The following ATP2B1 variants were observed in gnomAD, a reference collection of about 807,000 sequenced individuals.
The protein encoded by ATP2B1 is plasma membrane calcium-transporting ATPase 1.
Under a neutral mutation model 124.2 loss-of-function variants are expected in ATP2B1, and 14 were observed. The ratio of observed to expected loss-of-function variants is 0.11; its 90% CI spans 0.07 to 0.18. The LOEUF is 0.18. Among genes scored for constraint, ATP2B1 ranks in the 10% least tolerant of loss-of-function variants. The pLI, the probability that ATP2B1 is intolerant of heterozygous loss-of-function variation, is 1.00. For synonymous variants in ATP2B1, 449 were observed against 492.4 expected (o/e 0.91, Z 1.17); for missense variants, 763 against 1,466.1 (o/e 0.52, Z 7.83).
chr12:89,597,585 T>C (rs1874885543), intron 20 of ATP2B1, among the ~76,000 whole-genome samples: 1 of 152,174 alleles, frequency 6.6e-6, no homozygotes, highest in Non-Finnish European at 1.5e-5. Context: ...ATTCATCCTC[T>C]CTGCAGCTTC....
chr12:89,683,194 ATC>A (rs1889564456), intron 1 of ATP2B1, among the ~76,000 whole-genome samples: 1 of 152,234 alleles, frequency 6.6e-6, no homozygotes, highest in African/African-American at 2.4e-5. Context: ...GGGGGAAACA[ATC>A]AATTCACCAG....
intron 1 of ATP2B1, among the ~76,000 whole-genome samples, chr12:89,686,503 C>T (rs1267537960): frequency 1.3e-5 from 2 of 152,068 alleles, no homozygotes; most frequent in Non-Finnish European, 2.9e-5. Context: ...TGCCTTTTAT[C>T]CAATGTTACG....
intron 1 of ATP2B1, among the ~76,000 whole-genome samples, chr12:89,673,192 A>C (rs541323972): frequency 6.6e-6 from 1 of 152,220 alleles, no homozygotes; most frequent in Non-Finnish European, 1.5e-5. Context: ...CAGTACAGTT[A>C]AATAGGTTTT....
intron 2 of ATP2B1, among the ~76,000 whole-genome samples, chr12:89,644,217 C>T (rs553094368): frequency 1.6e-4 from 24 of 152,148 alleles, no homozygotes; most frequent in Non-Finnish European, 3.1e-4. Context: ...TTAAACCTAA[C>T]TTCAATTTGT....
At chr12:89,645,735 A>G (rs539586215) in intron 2 of ATP2B1, among the ~76,000 whole-genome samples, 1 of 152,332 alleles carries the variant, frequency 6.6e-6, no homozygotes, top group South Asian at 2.1e-4. Context: ...GAAAGAAGAG[A>G]GGGTCAAAAT....
intron 20 of ATP2B1, among the ~76,000 whole-genome samples, chr12:89,592,159 CTT>C (rs2135844388): frequency 6.6e-6 from 1 of 152,060 alleles, no homozygotes; most frequent in Non-Finnish European, 1.5e-5. Context: ...GGCAATCAAA[CTT>C]AAAAACATCA....
At chr12:89,629,591 A>T (rs1165219612) in intron 6 of ATP2B1, among the ~76,000 whole-genome samples, 4 of 152,240 alleles carry the variant, frequency 2.6e-5, no homozygotes, top group Non-Finnish European at 5.9e-5. Flanking sequence ...AAAGAACAAA[A>T]CAAACCACTC....
At chr12:89,626,742 AGT>A (rs142259033) in intron 7 of ATP2B1, 127 bp from the exon 8 acceptor site, 1,615 of 1,048,468 alleles carry the variant, frequency 1.5e-3, no homozygotes, top group South Asian at 2.3e-3. Context: ...CAGCTTTGTG[AGT>A]GTGTGTGTGT....
intron 5 of ATP2B1, among the ~76,000 whole-genome samples, chr12:89,633,105 T>C (rs1448458633): frequency 6.6e-6 from 1 of 152,110 alleles, no homozygotes; most frequent in East Asian, 1.9e-4. Flanking sequence ...TTTGGAAAGG[T>C]TATAGATTTT....
chr12:89,691,684 A>G (rs1278988779), intron 1 of ATP2B1, among the ~76,000 whole-genome samples: 1 of 152,122 alleles, frequency 6.6e-6, no homozygotes, highest in Non-Finnish European at 1.5e-5. Context: ...CTATCTAGGG[A>G]GACAGATTTG....
intron 15 of ATP2B1, among the ~76,000 whole-genome samples, chr12:89,607,815 C>G (rs1329119865): frequency 1.3e-5 from 2 of 152,050 alleles, no homozygotes; most frequent in Non-Finnish European, 2.9e-5. Flanking sequence ...ACTACAGATG[C>G]AACCATCCAT....
At chr12:89,681,165 T>C (rs751785499) in intron 1 of ATP2B1, among the ~76,000 whole-genome samples, 3 of 152,134 alleles carry the variant, frequency 2.0e-5, no homozygotes, top group Non-Finnish European at 4.4e-5. Context: ...AAAGAATGCA[T>C]ATGTTATACA....
chr12:89,651,962 T>C (rs1047729186), intron 2 of ATP2B1, among the ~76,000 whole-genome samples: 2 of 152,214 alleles, frequency 1.3e-5, no homozygotes, highest in East Asian at 1.9e-4. Flanking sequence ...ATCATAAGGA[T>C]AGCCTATCAT....
At position 89,626,673 on chromosome 12, in the gene ATP2B1, C is replaced by A. The variant is rs1330283662; in HGVS notation, c.968-58G>T. The A allele has an allele frequency of 6.7e-6, 10 of 1,498,874 alleles. No individual in the cohort carries two copies. The East Asian group carries it at 2.3e-4, about 35-fold the overall frequency. The allele number at this position is 1,498,874 out of a possible 1,614,324, so 92.8% of individuals were successfully genotyped here. On this transcript the variant is annotated intron_variant, in intron 7 of 20. Coordinates refer to ENST00000428670, the MANE Select transcript of ATP2B1 (RefSeq NM_001366521.1). Reference sequence around the variant, plus strand: ...CTTTAAAGGCACATATCACTATTAACATTTTAAAGAAATTTTAAAAATCAG... The same window carrying A: ...CTTTAAAGGCACATATCACTATTAAAATTTTAAAGAAATTTTAAAAATCAG...
intron 15 of ATP2B1, among the ~76,000 whole-genome samples, chr12:89,609,570 G>A (rs1369643439): frequency 6.6e-6 from 1 of 152,082 alleles, no homozygotes; most frequent in Admixed American, 6.6e-5. Context: ...TAGATGAATG[G>A]AAGAGTTTCA....
intron 3 of ATP2B1, 152 bp from the exon 4 acceptor site, chr12:89,635,403 G>A (rs1882542814): frequency 9.9e-7 from 1 of 1,011,922 alleles, no homozygotes; most frequent in Non-Finnish European, 1.4e-6. Flanking sequence ...TATTCCATAA[G>A]AACTCTATGT....
intron 15 of ATP2B1, among the ~76,000 whole-genome samples, chr12:89,607,035 T>G (rs1877046937): frequency 6.6e-6 from 1 of 152,174 alleles, no homozygotes; most frequent in Admixed American, 6.5e-5. Context: ...TAAAAACTAG[T>G]TCTATGATGA....
intron 15 of ATP2B1, among the ~76,000 whole-genome samples, chr12:89,604,704 A>G (rs1410137273): frequency 6.6e-6 from 1 of 152,180 alleles, no homozygotes; most frequent in Non-Finnish European, 1.5e-5. Context: ...AGATTCTACC[A>G]AAAAACAAAC....
At chr12:89,680,723 A>C (rs1889235215) in intron 1 of ATP2B1, among the ~76,000 whole-genome samples, 1 of 152,164 alleles carries the variant, frequency 6.6e-6, no homozygotes, top group Non-Finnish European at 1.5e-5. Flanking sequence ...CTAAACCAGC[A>C]TAATGAAAGG....
Sources: allele counts gnomAD v4.1 joint callset (sites outside exome capture counted in the v4.1 genomes callset), GRCh38; gene constraint gnomAD v4.1.1; transcripts MANE v1.5; gene names NCBI Gene and HGNC (gene_info 2026-07-23, HGNC 2026-07-21).